The following FAM114A2 variants were observed in gnomAD, a reference collection of about 807,000 sequenced individuals.
The protein encoded by FAM114A2 is family with sequence similarity 114 member A2.
In FAM114A2, 53 loss-of-function variants were observed where a neutral mutation model predicts 58.4. The observed-to-expected ratio is 0.91, with a 90% confidence interval of 0.73 to 1.14. FAM114A2 has a LOEUF of 1.14. FAM114A2 is among the 50% of genes most tolerant of loss of function. The pLI is 0.00. For synonymous variants in FAM114A2, 228 were observed against 211.4 expected (o/e 1.08, Z -0.68); for missense variants, 601 against 581.1 (o/e 1.03, Z -0.35).
rs373244379 is a variant in FAM114A2 at position 154,034,881 on chromosome 5, C to T, written c.73G>A (p.Glu25Lys). ...ACAGACTCAGAATTCTTGGCTGGCT[C>T]ACAGTTTCCATCTTCAAGGATGGGG... ...AAPILEDGNC[E>K]PAKNSESVDQ... Residue 25 changes from glutamate to lysine, a missense_variant, in exon 2 of 14, where the codon GAG becomes AAG. Physicochemically the swap from Glu to Lys is moderately conservative, Grantham distance 56. Transcript: ENST00000351797. The T allele has an allele frequency of 8.2e-5, 132 of 1,613,988 alleles. No homozygotes were observed. In the Middle Eastern group the frequency reaches 3.1e-3, roughly 38 times the overall value.
intron 1 of FAM114A2, among the ~76,000 whole-genome samples, 200 bp from the exon 2 acceptor site, chr5:154,035,167 A>G (rs540019612): frequency 6.6e-5 from 10 of 152,304 alleles, no homozygotes; most frequent in African/African-American, 9.6e-5. Flanking sequence ...ACTGATATCA[A>G]TGCAATCCAC....
rs1769275594 is a variant in FAM114A2, at chr5:153,992,072, C to A, written c.*904G>T. The A allele has an allele frequency of 6.6e-6, 1 of 152,134 alleles. No homozygotes were observed. The highest frequency in any genetic ancestry group is 1.5e-5 in the Non-Finnish European group (1 of 68,016). 9.4% of individuals were successfully genotyped at this position (152,134 alleles called of 1,614,324 possible). A position where few individuals can be genotyped will look rare whatever the true frequency, so the allele number is the denominator to read the frequency against. On this transcript the variant is annotated 3_prime_UTR_variant, in exon 14 of 14. Coordinates refer to ENST00000351797, the MANE Select transcript of FAM114A2 (RefSeq NM_018691.4). ...GTTAAATCCTATCATAAATGAACAT[C>A]ATTTCTAAAGGACTATGGCCCACTT...
Position 154,034,771 on chromosome 5 carries a change from A to C in FAM114A2, c.183T>G (p.Leu61=). The C allele has an allele frequency of 6.2e-7, 1 of 1,613,690 alleles. No individual in the cohort carries two copies. Among genetic ancestry groups the C allele is most frequent in the Non-Finnish European group, 8.5e-7 (1 of 1,179,630 alleles). The change falls in exon 2 of 14, where the codon CTT becomes CTG. Residue 61 remains leucine (L), a synonymous_variant. Coordinates refer to ENST00000351797, the MANE Select transcript of FAM114A2 (RefSeq NM_018691.4). ...KRPETKPSSD[L]ETSKVLPIQD... is the part of the protein sequence containing the mutation. The stretch of plus-strand genomic sequence containing the variant: ...GAATAGGGAGAACTTTTGAAGTCTC[A>C]AGGTCACTGGAAGGTTTGGTCTCTG...
At chr5:153,999,126 T>A (rs1280321775) in intron 11 of FAM114A2, among the ~76,000 whole-genome samples, 1 of 151,848 alleles carries the variant, frequency 6.6e-6, no homozygotes, top group Non-Finnish European at 1.5e-5. Context: ...GAGACTAATA[T>A]CCAGAATATA....
intron 11 of FAM114A2, among the ~76,000 whole-genome samples, chr5:153,999,327 G>C (rs72806609): frequency 0.024 from 3,641 of 152,118 alleles, 72 homozygotes; most frequent in Admixed American, 0.054. Context: ...CGTTAGAATG[G>C]CTATCATTAT....
intron 4 of FAM114A2, among the ~76,000 whole-genome samples, chr5:154,030,012 T>C (rs1283754374): frequency 6.6e-6 from 1 of 152,162 alleles, no homozygotes; most frequent in Middle Eastern, 3.2e-3. Flanking sequence ...ATAGGAAACA[T>C]TCTATATATC....
At chr5:154,016,710 A>T (rs1581800331) in intron 8 of FAM114A2, among the ~76,000 whole-genome samples, 1 of 152,170 alleles carries the variant, frequency 6.6e-6, no homozygotes, top group African/African-American at 2.4e-5. Flanking sequence ...TATAAAACAA[A>T]AATACAATTA....
chr5:154,016,527 T>C (rs1188066222), intron 8 of FAM114A2, among the ~76,000 whole-genome samples: 2 of 152,074 alleles, frequency 1.3e-5, no homozygotes, highest in Non-Finnish European at 2.9e-5. Flanking sequence ...GCTTCATAAA[T>C]GAAGGAAAGA....
chr5:154,028,871 C>G (rs549149524), intron 5 of FAM114A2, among the ~76,000 whole-genome samples: 1 of 152,152 alleles, frequency 6.6e-6, no homozygotes, highest in Admixed American at 6.5e-5. Flanking sequence ...GCAGAAGACA[C>G]AGAAAACTGG....
intron 11 of FAM114A2, 73 bp from the exon 12 acceptor site, chr5:153,997,948 G>A: frequency 1.1e-6 from 1 of 925,626 alleles, no homozygotes; most frequent in South Asian, 1.5e-5. Context: ...ACAATTGTCA[G>A]AAGAGAACAA....
At chr5:154,024,242 C>A (rs933744106) in intron 8 of FAM114A2, among the ~76,000 whole-genome samples, 6 of 152,230 alleles carry the variant, frequency 3.9e-5, no homozygotes, top group African/African-American at 1.4e-4. Context: ...TCTTGTAAAA[C>A]TTTCTGAGAA....
At chr5:154,027,533 C>G (rs192695685) in intron 6 of FAM114A2, 199 bp from the exon 7 acceptor site, 206 of 423,518 alleles carry the variant, frequency 4.9e-4, no homozygotes, top group African/African-American at 3.8e-3. Flanking sequence ...CGGAGTTTCA[C>G]TCTGTCACCC....
intron 11 of FAM114A2, 41 bp from the exon 12 acceptor site, chr5:153,997,916 T>G: frequency 8.2e-7 from 1 of 1,224,234 alleles, no homozygotes; most frequent in South Asian, 1.3e-5. Context: ...TTTTCTTTTT[T>G]TAAAAAAATA....
chr5:154,025,922 G>A (rs781220922), intron 8 of FAM114A2, among the ~76,000 whole-genome samples: 9 of 152,060 alleles, frequency 5.9e-5, no homozygotes, highest in Non-Finnish European at 1.3e-4. Flanking sequence ...TGGTATAAGA[G>A]TTTTCAAAAT....
chr5:154,004,036 T>C (rs897733990), intron 9 of FAM114A2, among the ~76,000 whole-genome samples: 2 of 152,112 alleles, frequency 1.3e-5, no homozygotes, highest in African/African-American at 2.4e-5. Context: ...ACAGGAGCAA[T>C]AGGTTAAACG....
At chr5:154,034,011 C>A (rs1008879466) in intron 3 of FAM114A2, 128 bp from the exon 4 acceptor site, 6 of 681,374 alleles carry the variant, frequency 8.8e-6, no homozygotes, top group Non-Finnish European at 1.5e-5. Context: ...CATAACTAAT[C>A]TTGGCACTAT....
intron 9 of FAM114A2, among the ~76,000 whole-genome samples, chr5:154,007,581 G>A (rs993195209): frequency 2.0e-5 from 3 of 152,134 alleles, no homozygotes; most frequent in African/African-American, 7.2e-5. Flanking sequence ...TCAGAGAATG[G>A]CGAGAACTGC....
intron 8 of FAM114A2, among the ~76,000 whole-genome samples, chr5:154,022,349 A>C (rs1056289630): frequency 2.6e-5 from 4 of 152,360 alleles, no homozygotes; most frequent in African/African-American, 9.6e-5. Flanking sequence ...TGAACAGGCA[A>C]CCTACAGAAT....
intron 2 of FAM114A2, 55 bp from the exon 3 acceptor site, chr5:154,034,432 G>A (rs1302605306): frequency 1.8e-6 from 2 of 1,100,756 alleles, no homozygotes; most frequent in African/African-American, 1.6e-5. Context: ...AAAAATTAGA[G>A]GAAAATCAGA....
Sources: allele counts gnomAD v4.1 joint callset (sites outside exome capture counted in the v4.1 genomes callset), GRCh38; gene constraint gnomAD v4.1.1; transcripts MANE v1.5; gene names NCBI Gene and HGNC (gene_info 2026-07-23, HGNC 2026-07-21).